The following SLC25A26 variants were observed in gnomAD, a reference collection of about 807,000 sequenced individuals.
The protein encoded by SLC25A26 is solute carrier family 25 member 26.
Under a neutral mutation model 37.8 loss-of-function variants are expected in SLC25A26, and 36 were observed. The ratio of observed to expected loss-of-function variants is 0.95; its 90% confidence interval spans 0.73 to 1.26. The LOEUF is 1.26. Among genes scored for constraint, SLC25A26 ranks in the 50% most tolerant of loss-of-function variants. The pLI, the probability that SLC25A26 is intolerant of heterozygous loss-of-function variation, is 0.00. For synonymous variants in SLC25A26, 129 were observed against 122.5 expected (o/e 1.05, Z -0.35); for missense variants, 390 against 331.1 (o/e 1.18, Z -1.38).
chr3:66,277,017 G>A (rs2074174830), intron 5 of SLC25A26, among the ~76,000 whole-genome samples: 1 of 150,294 alleles, frequency 6.7e-6, no homozygotes, highest in Non-Finnish European at 1.5e-5. Context: ...AGTGTTTTCC[G>A]ATCAAGATAC....
At chr3:66,295,978 A>G (rs2074888959) in intron 5 of SLC25A26, among the ~76,000 whole-genome samples, 1 of 151,896 alleles carries the variant, frequency 6.6e-6, no homozygotes, top group Admixed American at 6.6e-5. Flanking sequence ...TTAGCTGGGC[A>G]TGGTGGCAGG....
intron 1 of SLC25A26, among the ~76,000 whole-genome samples, chr3:66,181,522 T>C (rs1321926415): frequency 1.3e-5 from 2 of 152,228 alleles, no homozygotes; most frequent in Admixed American, 1.3e-4. Context: ...TAGTTTCAGT[T>C]TACAAAGTAC....
chr3:66,348,684 A>G (rs569582315), intron 6 of SLC25A26, among the ~76,000 whole-genome samples: 2 of 152,380 alleles, frequency 1.3e-5, no homozygotes, highest in South Asian at 4.1e-4. Context: ...TCATTAACAA[A>G]GTAAATTATG....
intron 5 of SLC25A26, among the ~76,000 whole-genome samples, chr3:66,343,898 G>T (rs1490779813): frequency 6.6e-6 from 1 of 152,124 alleles, no homozygotes; most frequent in East Asian, 1.9e-4. Flanking sequence ...GTTTCAGAAT[G>T]GATAATGTCA....
Position 66,370,577 on chromosome 3 carries a change from G to T in SLC25A26, c.682G>T (p.Val228Phe), listed in dbSNP as rs771743550. 3.7e-6 allele frequency: 6 copies of T among 1,613,896 alleles called. No homozygotes were observed. The South Asian group carries it at 6.6e-5, about 18-fold the overall frequency. ...DGNVLSVLHG[V>F]WRSQGLAGLF... The stretch of plus-strand genomic sequence containing the variant: ...GAATGTGCTCTCTGTCCTGCATGGG[G>T]TCTGGCGGTCACAGGGGCTGGCAGG... The change falls in exon 9 of 10, where the codon GTC becomes TTC. Residue 228 changes from valine to phenylalanine, a missense_variant. Physicochemically the swap from Val to Phe is conservative, Grantham distance 50 (BLOSUM62 -1). Transcript: ENST00000354883.
intron 6 of SLC25A26, among the ~76,000 whole-genome samples, chr3:66,348,038 G>A (rs114948317): frequency 0.012 from 1,840 of 152,290 alleles, 39 homozygotes; most frequent in African/African-American, 0.042. Flanking sequence ...TTAATACTTA[G>A]CTGATGGGTT....
chr3:66,148,821 G>C (rs62246867), intron 1 of SLC25A26, among the ~76,000 whole-genome samples: 51,355 of 152,054 alleles, frequency 0.34, 8,889 homozygotes, highest in African/African-American at 0.4. Flanking sequence ...GTCTCACAAA[G>C]TGTTAGGATT....
chr3:66,151,029 A>G (rs751214152), intron 1 of SLC25A26, among the ~76,000 whole-genome samples: 1 of 152,022 alleles, frequency 6.6e-6, no homozygotes, highest in Non-Finnish European at 1.5e-5. Context: ...GGAAGCAGGT[A>G]CTGTCCTTAT....
In SLC25A26 at chr3:66,243,362, A is replaced by G. The variant is rs1678091; in HGVS notation, c.300+50A>G. On this transcript the variant is annotated intron_variant, in intron 3 of 9. Transcript: ENST00000354883. ...AATACTTCAGAAATGCACATCATGC[A>G]TATATTTTCAGTACATATTTATTTC... 70,675 of 872,806 alleles carry G rather than the reference A, an allele frequency of 0.081. 5,700 individuals are homozygous for G. The highest frequency in any genetic ancestry group is 0.29 in the East Asian group (11,843 of 40,532). 54.1% of individuals were successfully genotyped at this position (872,806 alleles called of 1,614,324 possible).
intron 5 of SLC25A26, among the ~76,000 whole-genome samples, chr3:66,269,362 C>G (rs148700624): frequency 6.6e-6 from 1 of 152,168 alleles, no homozygotes; most frequent in African/African-American, 2.4e-5. Context: ...TAAAGCTCTT[C>G]AGCTATAATG....
intron 2 of SLC25A26, among the ~76,000 whole-genome samples, chr3:66,239,924 A>T (rs782468911): frequency 1.3e-5 from 2 of 150,760 alleles, no homozygotes; most frequent in Non-Finnish European, 2.9e-5. Context: ...CCTAACAAGC[A>T]ATTTGACTCT....
intron 6 of SLC25A26, among the ~76,000 whole-genome samples, chr3:66,359,894 G>C (rs996855467): frequency 6.6e-6 from 1 of 152,130 alleles, no homozygotes; most frequent in African/African-American, 2.4e-5. Flanking sequence ...TCACAAGTAA[G>C]GTGATAAATA....
intron 1 of SLC25A26, among the ~76,000 whole-genome samples, chr3:66,187,404 C>T (rs2070849634): frequency 6.6e-6 from 1 of 152,230 alleles, no homozygotes; most frequent in South Asian, 2.1e-4. Flanking sequence ...TTGCACCTAA[C>T]TCTCATCTTT....
intron 5 of SLC25A26, among the ~76,000 whole-genome samples, chr3:66,336,488 A>C (rs1055702353): frequency 6.6e-6 from 1 of 152,222 alleles, no homozygotes; most frequent in African/African-American, 2.4e-5. Flanking sequence ...TTAAAGTTGC[A>C]TGCAAATTCT....
At chr3:66,308,670 A>C (rs565302814) in intron 5 of SLC25A26, among the ~76,000 whole-genome samples, 7 of 152,114 alleles carry the variant, frequency 4.6e-5, no homozygotes, top group Admixed American at 2.0e-4. Flanking sequence ...ATTCATAACT[A>C]TTCCATAACT....
At chr3:66,299,596 G>C (rs1222929445) in intron 5 of SLC25A26, among the ~76,000 whole-genome samples, 1 of 152,052 alleles carries the variant, frequency 6.6e-6, no homozygotes, top group Non-Finnish European at 1.5e-5. Flanking sequence ...ATTTATTATT[G>C]CTTCTTTCAC....
chr3:66,166,118 C>T (rs368781023), intron 1 of SLC25A26, among the ~76,000 whole-genome samples: 1 of 152,208 alleles, frequency 6.6e-6, no homozygotes, highest in African/African-American at 2.4e-5. Context: ...CTCTATCAAA[C>T]GCCTTCAGTT....
At position 66,297,021 on chromosome 3, in the gene SLC25A26, A is replaced by C. The variant is rs74845284; in HGVS notation, c.453+33642A>C. On this transcript the variant is annotated intron_variant, in intron 5 of 9. Transcript: ENST00000354883. ...AGCCTCCCATTTATAAGTAATAATA[A>C]GAATAAGAATGTTTGGCATTGAGCG... Among the ~76,000 whole-genome samples, 17 of 152,316 alleles carry C rather than the reference A, an allele frequency of 1.1e-4. No individual in the cohort carries two copies. The East Asian group carries it at 2.5e-3, about 22-fold the overall frequency.
intron 2 of SLC25A26, among the ~76,000 whole-genome samples, chr3:66,241,092 A>G (rs1036472948): frequency 2.0e-5 from 3 of 152,102 alleles, no homozygotes; most frequent in East Asian, 1.9e-4. Context: ...TGGTTCATCT[A>G]TAAGTTTGTT....
Sources: allele counts gnomAD v4.1 joint callset (sites outside exome capture counted in the v4.1 genomes callset), GRCh38; gene constraint gnomAD v4.1.1; transcripts MANE v1.5; gene names NCBI Gene and HGNC (gene_info 2026-07-23, HGNC 2026-07-21).